The following DPYSL3 variants were observed in gnomAD, a reference collection of about 807,000 sequenced individuals.
The protein encoded by DPYSL3 is dihydropyrimidinase like 3.
A neutral mutation model predicts 66.1 loss-of-function variants in DPYSL3; 16 were observed. That is an observed-to-expected ratio of 0.24 (90% CI 0.16 to 0.37). The LOEUF (loss-of-function observed/expected upper bound fraction) is 0.37, where lower values mean the gene tolerates loss of function less well. DPYSL3 is among the 10% of genes least tolerant of loss of function. The pLI is 1.00. For synonymous variants in DPYSL3, 338 were observed against 345.1 expected (o/e 0.98, Z 0.23); for missense variants, 738 against 916.2 (o/e 0.81, Z 2.51).
At position 147,429,239 on chromosome 5, in the gene DPYSL3, C is replaced by T. The variant is rs1330134332; in HGVS notation, c.382-4276G>A. Among the ~76,000 whole-genome samples the T allele has an allele frequency of 2.6e-5, 4 of 152,138 alleles. No homozygotes were observed. In the East Asian group the frequency reaches 7.7e-4, roughly 29 times the overall value. The stretch of plus-strand genomic sequence containing the variant: ...CAACCCGCCACTGACCTGCCTTAGG[C>T]CCTGCACAGCTACCAAGAGCTACGT... On this transcript the variant is annotated intron_variant, in intron 1 of 13. Transcript: ENST00000343218.
intron 1 of DPYSL3, among the ~76,000 whole-genome samples, chr5:147,434,440 G>T (rs1000939988): frequency 2.6e-5 from 4 of 152,200 alleles, no homozygotes; most frequent in African/African-American, 9.7e-5. Flanking sequence ...AATCAAACAG[G>T]ATCTCTTGTC....
In DPYSL3 at chr5:147,510,025, G is replaced by C; in HGVS notation, c.-167C>G. The stretch of plus-strand genomic sequence containing the variant: ...ATTCCTGCTTGTCCCTAGCGAGCCA[G>C]CGAGCCACACAGCCAGCTAGCGCGC... On this transcript the variant is annotated 5_prime_UTR_variant, in exon 1 of 14. Coordinates refer to ENST00000343218, the MANE Select transcript of DPYSL3 (RefSeq NM_001197294.2). 8.4e-7 allele frequency: 1 copy of C among 1,191,936 alleles called. No individual in the cohort carries two copies. The allele number at this position is 1,191,936 out of a possible 1,614,324, so 73.8% of individuals were successfully genotyped here.
At chr5:147,413,945 T>C (rs1751911255) in intron 4 of DPYSL3, among the ~76,000 whole-genome samples, 1 of 152,178 alleles carries the variant, frequency 6.6e-6, no homozygotes, top group Non-Finnish European at 1.5e-5. Context: ...CAATAAACTT[T>C]GTTATTGCTC....
intron 1 of DPYSL3, among the ~76,000 whole-genome samples, chr5:147,498,124 T>C (rs144151751): frequency 2.6e-5 from 4 of 152,218 alleles, no homozygotes; most frequent in Non-Finnish European, 5.9e-5. Flanking sequence ...TGTGTGTTGT[T>C]TCCCTCTATG....
chr5:147,488,693 G>A (rs1014323726), intron 1 of DPYSL3, among the ~76,000 whole-genome samples: 2 of 152,076 alleles, frequency 1.3e-5, no homozygotes, highest in Non-Finnish European at 2.9e-5. Flanking sequence ...TGCAGCCTGG[G>A]TGACAGAGTG....
rs991675818 is a variant in DPYSL3, at chr5:147,393,809, G to C, written c.*226C>G. The C allele has an allele frequency of 7.6e-5, 42 of 554,528 alleles. No individual in the cohort carries two copies. The highest frequency in any genetic ancestry group is 1.1e-4 in the Non-Finnish European group (34 of 309,882). The allele number at this position is 554,528 out of a possible 1,614,324, so 34.4% of individuals were successfully genotyped here. A position where few individuals can be genotyped will look rare whatever the true frequency, so the allele number is the denominator to read the frequency against. ...TGTCTGATTGCATGCATGTAAATGGGGGGAGGGGAGTCAAACAAATCAAGG... is the reference window on the plus strand; with the variant it reads ...TGTCTGATTGCATGCATGTAAATGGCGGGAGGGGAGTCAAACAAATCAAGG... On this transcript the variant is annotated 3_prime_UTR_variant, in exon 14 of 14. Coordinates refer to ENST00000343218, the MANE Select transcript of DPYSL3 (RefSeq NM_001197294.2).
intron 7 of DPYSL3, among the ~76,000 whole-genome samples, chr5:147,407,712 G>A (rs1191262065): frequency 1.3e-5 from 2 of 152,096 alleles, no homozygotes; most frequent in Non-Finnish European, 2.9e-5. Context: ...AAGTGACCTA[G>A]TATTATTAAG....
intron 1 of DPYSL3, among the ~76,000 whole-genome samples, chr5:147,460,167 T>G (rs1752911888): frequency 6.6e-6 from 1 of 152,110 alleles, no homozygotes; most frequent in Non-Finnish European, 1.5e-5. Context: ...ATGCTGATCT[T>G]CATCTCTGGC....
At chr5:147,465,952 G>T (rs984792884) in intron 1 of DPYSL3, among the ~76,000 whole-genome samples, 3 of 152,086 alleles carry the variant, frequency 2.0e-5, no homozygotes, top group Non-Finnish European at 4.4e-5. Context: ...TCTCAGATCT[G>T]CTTCCCAGGA....
At chr5:147,495,986 T>C (rs1394441030) in intron 1 of DPYSL3, among the ~76,000 whole-genome samples, 1 of 152,210 alleles carries the variant, frequency 6.6e-6, no homozygotes, top group Non-Finnish European at 1.5e-5. Flanking sequence ...TCATGCTACC[T>C]GACTTCAAAC....
At chr5:147,489,054 T>G (rs968092473) in intron 1 of DPYSL3, among the ~76,000 whole-genome samples, 7 of 151,974 alleles carry the variant, frequency 4.6e-5, no homozygotes, top group Non-Finnish European at 8.8e-5. Flanking sequence ...AATATATCAT[T>G]AGGCACTTGG....
intron 1 of DPYSL3, among the ~76,000 whole-genome samples, chr5:147,500,304 C>T (rs1006946440): frequency 1.8e-4 from 28 of 152,064 alleles, no homozygotes; most frequent in Admixed American, 2.6e-4. Context: ...TCTGAATACA[C>T]GCAGAACTCT....
Position 147,467,318 on chromosome 5 carries a change from A to G in DPYSL3, c.381+42160T>C, listed in dbSNP as rs527303574. On this transcript the variant is annotated intron_variant, in intron 1 of 13. Transcript: ENST00000343218. ...ACACAAAAAAGGGGAAACAGGTCTT[A>G]TGAAACAGAAAAATGGGTTGATTCA... 4.4e-4 allele frequency among the ~76,000 whole-genome samples: 67 copies of G among 152,356 alleles called. No individual in the cohort carries two copies. In the South Asian group the frequency reaches 0.013, roughly 31 times the overall value.
chr5:147,465,599 C>A lies in DPYSL3; in HGVS notation c.382-40636G>T, dbSNP rs532020084. Among the ~76,000 whole-genome samples the A allele has an allele frequency of 2.0e-5, 3 of 152,252 alleles. No homozygotes were observed. In the East Asian group the frequency reaches 5.8e-4, roughly 29 times the overall value. On this transcript the variant is annotated intron_variant, in intron 1 of 13. Transcript: ENST00000343218. ...ACAGGGGTGAGCCACTGTTCCCGGC[C>A]CCTGGTCCCTTAAGACTAAGGGATT...
At chr5:147,430,628 A>G (rs1752297392) in intron 1 of DPYSL3, among the ~76,000 whole-genome samples, 1 of 152,168 alleles carries the variant, frequency 6.6e-6, no homozygotes, top group South Asian at 2.1e-4. Flanking sequence ...TAAATGCTAT[A>G]AGGAATGTTA....
At chr5:147,481,655 A>G (rs1353600188) in intron 1 of DPYSL3, among the ~76,000 whole-genome samples, 1 of 152,206 alleles carries the variant, frequency 6.6e-6, no homozygotes, top group Non-Finnish European at 1.5e-5. Flanking sequence ...TGTTTAGGTC[A>G]TGAGGGCTCC....
At position 147,397,552 on chromosome 5, in the gene DPYSL3, G is replaced by A. The variant is rs1426804923; in HGVS notation, c.1803+114C>T. 5.2e-6 allele frequency: 6 copies of A among 1,149,392 alleles called. No homozygotes were observed. The East Asian group carries it at 1.2e-4, about 23-fold the overall frequency. 71.2% of individuals were successfully genotyped at this position (1,149,392 alleles called of 1,614,324 possible). Reference sequence around the variant, plus strand: ...TGTTCTTGGGGACAAGACTGTCACTGAATTTCTCTGTGAGAGTCTAGAGAT... The same window carrying A: ...TGTTCTTGGGGACAAGACTGTCACTAAATTTCTCTGTGAGAGTCTAGAGAT... On this transcript the variant is annotated intron_variant, in intron 12 of 13. Transcript: ENST00000343218.
At chr5:147,484,601 GT>G (rs1312934787) in intron 1 of DPYSL3, among the ~76,000 whole-genome samples, 1 of 118,494 alleles carries the variant, frequency 8.4e-6, no homozygotes, top group Admixed American at 8.5e-5. Context: ...CAAATTCTTT[GT>G]GCAAGCTACA....
chr5:147,482,221 G>A (rs1447366240), intron 1 of DPYSL3, among the ~76,000 whole-genome samples: 1 of 152,118 alleles, frequency 6.6e-6, no homozygotes, highest in Non-Finnish European at 1.5e-5. Flanking sequence ...GTAATTACAC[G>A]ATAAACAATA....
Sources: allele counts gnomAD v4.1 joint callset (sites outside exome capture counted in the v4.1 genomes callset), GRCh38; gene constraint gnomAD v4.1.1; transcripts MANE v1.5; gene names NCBI Gene and HGNC (gene_info 2026-07-23, HGNC 2026-07-21).